GPR55: variants seen among roughly 807,000 people sequenced by gnomAD.
The protein encoded by GPR55 is G-protein coupled receptor 55.
GPR55 carries 6 observed loss-of-function variants against 7.9 expected under a neutral mutation model. The ratio of observed to expected loss-of-function variants is 0.76; its 90% CI spans 0.41 to 1.49. The LOEUF (loss-of-function observed/expected upper bound fraction) is 1.49. Ranked by LOEUF, GPR55 falls within the 40% of genes most tolerant of loss-of-function variation. The pLI is 0.01. For missense variants in GPR55, 376 were observed against 406.0 expected, an observed-to-expected ratio of 0.93 and a Z score of 0.63; for synonymous variants, 183 against 166.8, an observed-to-expected ratio of 1.10 and a Z score of -0.75.
Position 230,910,756 on chromosome 2 carries a change from A to G in GPR55, c.207T>C (p.Phe69=), listed in dbSNP as rs1236361847. 3 of 1,613,994 alleles carry G rather than the reference A, an allele frequency of 1.9e-6. No homozygotes were observed. In the Admixed American group the frequency reaches 5.0e-5, roughly 27 times the overall value. Residue 69 remains phenylalanine (F), a synonymous_variant, in exon 2 of 2, where the codon TTT becomes TTC. Coordinates refer to ENST00000650999, the MANE Select transcript of GPR55 (RefSeq NM_005683.4). The surrounding 1 kb of genome is among the most constrained non-coding windows in gnomAD (Gnocchi z 5.4). ...TSIYMINLAV[F]DLLLVLSLPF... is the part of the protein sequence containing the mutation. ...GGAGGGAGAGCACCAGCAGCAGGTC[A>G]AAGACTGCCAGGTTGATCATGTAGA...
chr2:230,916,258 G>A (rs1033409919), intron 1 of GPR55, among the ~76,000 whole-genome samples: 1 of 151,806 alleles, frequency 6.6e-6, no homozygotes, highest in Non-Finnish European at 1.5e-5. Context: ...GTGGTGGCTC[G>A]TGCCTGTAGT....
intron 1 of GPR55, among the ~76,000 whole-genome samples, chr2:230,952,757 C>T (rs1240667889): frequency 6.6e-6 from 1 of 152,184 alleles, no homozygotes; most frequent in African/African-American, 2.4e-5. Context: ...CATCCTCAGG[C>T]CGGCCCCCAC....
intron 1 of GPR55, 59 bp from the exon 2 acceptor site, chr2:230,911,155 A>G (rs1690584634): frequency 1.7e-6 from 1 of 598,148 alleles, no homozygotes; most frequent in Non-Finnish European, 3.0e-6. Context: ...AACCACTGTT[A>G]CTTTTTGTGT....
At chr2:230,951,762 T>C (rs980470808) in intron 1 of GPR55, among the ~76,000 whole-genome samples, 1 of 151,078 alleles carries the variant, frequency 6.6e-6, no homozygotes, top group African/African-American at 2.4e-5. Flanking sequence ...TGGGGTTTTT[T>C]TTTTTTTTTT....
rs975021019 is a variant in GPR55, at chr2:230,909,984, T to G, written c.*19A>C. On this transcript the variant is annotated 3_prime_UTR_variant, in exon 2 of 2. Transcript: ENST00000650999. ...ATTCAGGGCCAGGGCTTTCTTCCCC[T>G]GAACAGGATGTCCTTCCGTTAGCCC... The G allele has an allele frequency of 1.9e-6, 3 of 1,601,912 alleles. No individual in the cohort carries two copies. The African/African-American group carries it at 4.0e-5, about 22-fold the overall frequency.
upstream of GPR55, among the ~76,000 whole-genome samples, chr2:230,926,979 C>T (rs182524643): frequency 1.3e-5 from 2 of 152,102 alleles, no homozygotes; most frequent in Admixed American, 1.3e-4. Context: ...ATGTGAGCCA[C>T]CGCTCCCGGC....
intron 1 of GPR55, among the ~76,000 whole-genome samples, chr2:230,930,607 C>T (rs549143677): frequency 5.9e-5 from 9 of 152,194 alleles, no homozygotes; most frequent in Admixed American, 2.6e-4. Flanking sequence ...CGTGCCACCA[C>T]GCCTGGCTAA....
intron 1 of GPR55, among the ~76,000 whole-genome samples, chr2:230,945,945 C>T (rs2125067853): frequency 6.6e-6 from 1 of 152,204 alleles, no homozygotes; most frequent in East Asian, 1.9e-4. Context: ...TTTTTATTCA[C>T]AATAACCAAG....
At chr2:230,946,219 G>A (rs898138928) in intron 1 of GPR55, among the ~76,000 whole-genome samples, 1 of 152,180 alleles carries the variant, frequency 6.6e-6, no homozygotes, top group Admixed American at 6.5e-5. Context: ...GGGCTAGGGA[G>A]GGTGTGGAAG....
At chr2:230,949,549 A>G (rs946763804) in intron 1 of GPR55, among the ~76,000 whole-genome samples, 7 of 152,222 alleles carry the variant, frequency 4.6e-5, no homozygotes, top group South Asian at 4.1e-4. Context: ...CTAGATCAGC[A>G]CTTCTCAAAG....
intron 1 of GPR55, among the ~76,000 whole-genome samples, chr2:230,951,199 G>A (rs1338792530): frequency 2.0e-5 from 3 of 152,146 alleles, no homozygotes; most frequent in African/African-American, 7.2e-5. Flanking sequence ...TCTTGGGACT[G>A]AGCCCTCAAC....
intron 1 of GPR55, among the ~76,000 whole-genome samples, chr2:230,938,928 A>G (rs1005426911): frequency 6.6e-6 from 1 of 152,212 alleles, no homozygotes; most frequent in Non-Finnish European, 1.5e-5. Context: ...AGAGCTCATT[A>G]AATATCGCCC....
At chr2:230,926,303 G>A (rs528521749), upstream of GPR55, among the ~76,000 whole-genome samples, 2 of 152,358 alleles carry the variant, frequency 1.3e-5, no homozygotes, top group African/African-American at 4.8e-5. Context: ...ACCTGGGCTT[G>A]TGCGATGGGC....
At position 230,923,500 on chromosome 2, in the gene GPR55, G is replaced by A. The variant is rs1690883198; in HGVS notation, c.-135+1668C>T. 6.6e-6 allele frequency among the ~76,000 whole-genome samples: 1 copy of A among 152,182 alleles called. No individual in the cohort carries two copies. Among genetic ancestry groups the A allele is most frequent in the Non-Finnish European group, 1.5e-5 (1 of 68,038 alleles). On this transcript the variant is annotated intron_variant, in intron 1 of 1. Transcript: ENST00000650999. The surrounding 1 kb of genome is among the most constrained non-coding windows in gnomAD (Gnocchi z 4.1). The stretch of plus-strand genomic sequence containing the variant: ...AAAGTCATCCGCCTGTGCCTGAGCT[G>A]GGCTTCTGGGGGCCACGATAGAAGA...
At chr2:230,925,429 C>A (rs773572873), upstream of GPR55, among the ~76,000 whole-genome samples, 2 of 152,036 alleles carry the variant, frequency 1.3e-5, no homozygotes, top group Non-Finnish European at 2.9e-5. Flanking sequence ...GGAGGAGGGT[C>A]TACACTCTCC....
At chr2:230,957,589 C>T in intron 1 of GPR55, 1 of 431,776 alleles carries the variant, frequency 2.3e-6, no homozygotes, top group Non-Finnish European at 4.7e-6. Context: ...GGGGAGTCGT[C>T]CCCGTGGCCG....
In GPR55 at chr2:230,944,920, G is replaced by A. The variant is rs1017269406; in HGVS notation, c.-135+15855C>T. 1.4e-4 allele frequency among the ~76,000 whole-genome samples: 22 copies of A among 152,154 alleles called. No individual in the cohort carries two copies. The highest frequency in any genetic ancestry group is 5.3e-4 in the African/African-American group (22 of 41,434). ...CGCTAGGCCCTGCAGATGCGACAAC[G>A]AACGTAGATGCTGTCCCAGCCACCC... On this transcript the variant is annotated intron_variant, in intron 1 of 1. Coordinates refer to the GPR55 transcript ENST00000392039. This position sits in a 1 kb window ranked among gnomAD's most constrained non-coding sequence, Gnocchi z 4.2.
intron 1 of GPR55, among the ~76,000 whole-genome samples, chr2:230,949,909 A>G (rs1034529660): frequency 1.3e-5 from 2 of 151,852 alleles, no homozygotes; most frequent in Admixed American, 6.6e-5. Flanking sequence ...ATCTCGGCTC[A>G]CTACAACCTC....
rs949550275 is a variant in GPR55 at position 230,924,543 on chromosome 2, C to T, written c.-135+625G>A. 1 of 152,258 alleles carries T rather than the reference C, an allele frequency of 6.6e-6. No individual in the cohort carries two copies. Among genetic ancestry groups the T allele is most frequent in the Admixed American group, 6.5e-5 (1 of 15,288 alleles). 9.4% of individuals were successfully genotyped at this position (152,258 alleles called of 1,614,324 possible). ...TGCAGCTATAATGTAGGATAGCAACCAGGGCTTTCCTCTCCATCATTTACT... is the reference window on the plus strand; with the variant it reads ...TGCAGCTATAATGTAGGATAGCAACTAGGGCTTTCCTCTCCATCATTTACT... On this transcript the variant is annotated intron_variant, in intron 1 of 1. Coordinates refer to ENST00000650999, the MANE Select transcript of GPR55 (RefSeq NM_005683.4). The surrounding 1 kb of genome is among the most constrained non-coding windows in gnomAD (Gnocchi z 4.5).
Sources: allele counts gnomAD v4.1 joint callset (sites outside exome capture counted in the v4.1 genomes callset), GRCh38; gene constraint gnomAD v4.1.1; non-coding constraint Gnocchi (gnomAD v3.1); transcripts MANE v1.5; gene names NCBI Gene and HGNC (gene_info 2026-07-23, HGNC 2026-07-21).